ERICH1: variants seen among roughly 807,000 people sequenced by gnomAD.
ERICH1 encodes the protein glutamate rich 1.
ERICH1 carries 56 observed loss-of-function variants against 39.6 expected under a neutral mutation model. The observed-to-expected ratio is 1.41, with a 90% CI of 1.14 to 1.77. The LOEUF (loss-of-function observed/expected upper bound fraction) is 1.77. ERICH1 is among the 40% of genes most tolerant of loss of function. The pLI is 0.00. For synonymous variants in ERICH1, 313 were observed against 223.6 expected, an observed-to-expected ratio of 1.40 and a Z score of -3.57; for missense variants, 826 against 575.4, an observed-to-expected ratio of 1.44 and a Z score of -4.45.
intron 3 of ERICH1, among the ~76,000 whole-genome samples, chr8:631,787 G>A (rs1303176314): frequency 2.0e-5 from 3 of 152,124 alleles, no homozygotes; most frequent in African/African-American, 7.2e-5. Context: ...CATGTTTACA[G>A]GCACTGACTA....
chr8:721,613 G>A (rs1302092702), intron 1 of ERICH1, among the ~76,000 whole-genome samples: 2 of 152,196 alleles, frequency 1.3e-5, no homozygotes, highest in Non-Finnish European at 2.9e-5. Flanking sequence ...TGCCCTTGCT[G>A]GTTCTTGGAA....
At chr8:669,647 A>G (rs1802844419) in intron 4 of ERICH1, among the ~76,000 whole-genome samples, 1 of 152,254 alleles carries the variant, frequency 6.6e-6, no homozygotes, top group Non-Finnish European at 1.5e-5. Flanking sequence ...CCTGTCCAAC[A>G]CACGACTCAG....
intron 3 of ERICH1, among the ~76,000 whole-genome samples, chr8:643,332 G>A (rs182990430): frequency 7.2e-5 from 11 of 152,334 alleles, no homozygotes; most frequent in Admixed American, 4.6e-4. Flanking sequence ...CGCAGGCTGC[G>A]GTGTGGCACA....
intron 2 of ERICH1, among the ~76,000 whole-genome samples, chr8:706,701 C>T (rs986414756): frequency 4.6e-5 from 7 of 152,120 alleles, no homozygotes; most frequent in East Asian, 1.9e-4. Flanking sequence ...ACCCAGGAGG[C>T]GGAGGTTGTG....
chr8:686,097 G>A (rs189953354), intron 3 of ERICH1, among the ~76,000 whole-genome samples: 8 of 152,206 alleles, frequency 5.3e-5, no homozygotes, highest in Non-Finnish European at 8.8e-5. Flanking sequence ...AAGGCAGAGG[G>A]TGCAGTGAGA....
chr8:629,806 C>T (rs928218486), intron 3 of ERICH1, among the ~76,000 whole-genome samples: 1 of 141,290 alleles, frequency 7.1e-6, no homozygotes, highest in Non-Finnish European at 1.5e-5. Flanking sequence ...CTCACACCCT[C>T]CTGTGAGCAC....
intron 3 of ERICH1, among the ~76,000 whole-genome samples, chr8:639,440 G>C (rs1798733013): frequency 6.6e-6 from 1 of 152,192 alleles, no homozygotes; most frequent in Admixed American, 6.5e-5. Context: ...AAAGCACTTT[G>C]AACTAAGAAT....
intron 1 of ERICH1, among the ~76,000 whole-genome samples, chr8:723,565 T>G (rs1258796382): frequency 6.6e-6 from 1 of 152,210 alleles, no homozygotes; most frequent in Non-Finnish European, 1.5e-5. Flanking sequence ...CAAACCACAT[T>G]ATTTCATCAG....
At chr8:728,544 G>A (rs976096120) in intron 1 of ERICH1, among the ~76,000 whole-genome samples, 2 of 152,160 alleles carry the variant, frequency 1.3e-5, no homozygotes, top group Non-Finnish European at 2.9e-5. Flanking sequence ...CCTGACCGCT[G>A]GCTACCCTAT....
chr8:687,743 G>A (rs1030795078), intron 3 of ERICH1, among the ~76,000 whole-genome samples: 2 of 152,094 alleles, frequency 1.3e-5, no homozygotes, highest in South Asian at 2.1e-4. Flanking sequence ...GCGCCCGGGG[G>A]AGCGCGCCAG....
chr8:683,963 T>G (rs1353882351), intron 3 of ERICH1, among the ~76,000 whole-genome samples: 1 of 152,264 alleles, frequency 6.6e-6, no homozygotes, highest in African/African-American at 2.4e-5. Flanking sequence ...TAGTTTTGAA[T>G]AGGCTTGAAT....
intron 2 of ERICH1, among the ~76,000 whole-genome samples, chr8:711,376 T>A (rs1306399617): frequency 6.6e-6 from 1 of 152,214 alleles, no homozygotes; most frequent in Non-Finnish European, 1.5e-5. Context: ...CAATTCTTTC[T>A]TTGATTGATC....
chr8:717,116 C>T (rs924986040), intron 1 of ERICH1, among the ~76,000 whole-genome samples: 4 of 152,176 alleles, frequency 2.6e-5, no homozygotes, highest in Non-Finnish European at 1.5e-5. Flanking sequence ...CTCACTCAGA[C>T]TCTCCACCTC....
intron 3 of ERICH1, among the ~76,000 whole-genome samples, chr8:621,500 T>C (rs1055730481): frequency 6.6e-6 from 1 of 151,578 alleles, no homozygotes; most frequent in African/African-American, 2.4e-5. Context: ...TTAATAAAAA[T>C]TTTTTAAATA....
At chr8:644,219 C>A (rs1004345021) in intron 3 of ERICH1, among the ~76,000 whole-genome samples, 4 of 152,226 alleles carry the variant, frequency 2.6e-5, no homozygotes, top group Non-Finnish European at 5.9e-5. Context: ...GGCCTCCTGG[C>A]CCCGTCCTAA....
At chr8:704,001 C>T (rs2132230666) in intron 2 of ERICH1, among the ~76,000 whole-genome samples, 1 of 152,256 alleles carries the variant, frequency 6.6e-6, no homozygotes, top group East Asian at 1.9e-4. Context: ...TCAAACTGTC[C>T]TAAGGGAGGA....
chr8:631,058 C>T (rs1396119166), intron 3 of ERICH1, among the ~76,000 whole-genome samples: 1 of 152,036 alleles, frequency 6.6e-6, no homozygotes, highest in Non-Finnish European at 1.5e-5. Context: ...CCCACATTGA[C>T]AGAGCTGACT....
At chr8:622,802 T>G (rs1797365127) in intron 3 of ERICH1, among the ~76,000 whole-genome samples, 1 of 151,656 alleles carries the variant, frequency 6.6e-6, no homozygotes, top group Admixed American at 6.6e-5. Flanking sequence ...AAAAATTTTT[T>G]TAAAAAATAG....
intron 3 of ERICH1, among the ~76,000 whole-genome samples, chr8:632,159 C>T (rs182590965): frequency 9.1e-4 from 139 of 152,312 alleles, no homozygotes; most frequent in African/African-American, 3.2e-3. Flanking sequence ...ATAAGGGAGG[C>T]TGTGACTTTT....
Sources: gnomAD v4.1 joint callset for allele counts (sites outside exome capture counted in the v4.1 genomes callset) on GRCh38, gnomAD v4.1.1 for gene constraint, MANE v1.5 for transcripts, NCBI Gene and HGNC (gene_info 2026-07-23, HGNC 2026-07-21) for gene names.